The following MAP2K5 variants were observed in gnomAD, a reference collection of about 807,000 sequenced individuals.
The protein encoded by MAP2K5 is mitogen-activated protein kinase kinase 5.
MAP2K5 carries 49 observed loss-of-function variants against 83.1 expected under a neutral mutation model. That is an observed-to-expected ratio of 0.59 (90% CI 0.47 to 0.75). MAP2K5 has a LOEUF of 0.75. Ranked by LOEUF, MAP2K5 falls within the 30% of genes least tolerant of loss-of-function variation. MAP2K5 has a pLI of 0.00. For missense variants in MAP2K5, 457 were observed against 557.5 expected, an observed-to-expected ratio of 0.82 and a Z score of 1.82; for synonymous variants, 202 against 191.8, an observed-to-expected ratio of 1.05 and a Z score of -0.44.
chr15:67,720,171 AC>A lies in MAP2K5; in HGVS notation c.1045-7743del, dbSNP rs2088922222. On this transcript the variant is annotated intron_variant, in intron 16 of 21. Coordinates refer to ENST00000178640, the MANE Select transcript of MAP2K5 (RefSeq NM_145160.3). The surrounding 1 kb of genome is among the most constrained non-coding windows in gnomAD (Gnocchi z 5.7). ...ATATTCCATTTAAACACAGTATCTA[AC>A]CAAAAAGTTACTCAGCTAGGGTTTT... Among the ~76,000 whole-genome samples, 1 of 152,156 alleles carries A rather than the reference AC, an allele frequency of 6.6e-6. No homozygotes were observed. Among genetic ancestry groups the A allele is most frequent in the African/African-American group, 2.4e-5 (1 of 41,436 alleles).
intron 5 of MAP2K5, 117 bp from the exon 6 acceptor site, chr15:67,586,729 C>G (rs1473264325): frequency 5.5e-6 from 5 of 907,610 alleles, no homozygotes; most frequent in Non-Finnish European, 9.2e-6. Flanking sequence ...GTGGGTTTGT[C>G]TAGCAACAAG....
intron 2 of MAP2K5, among the ~76,000 whole-genome samples, chr15:67,554,222 C>A (rs894514867): frequency 6.6e-6 from 1 of 152,060 alleles, no homozygotes; most frequent in African/African-American, 2.4e-5. Context: ...ACTACACTGG[C>A]TAACTTTTGT....
Position 67,636,518 on chromosome 15 carries a change from T to A in MAP2K5, c.585+5591T>A, listed in dbSNP as rs1406079598. 6.6e-6 allele frequency among the ~76,000 whole-genome samples: 1 copy of A among 152,176 alleles called. No individual in the cohort carries two copies. Among genetic ancestry groups the A allele is most frequent in the African/African-American group, 2.4e-5 (1 of 41,440 alleles). On this transcript the variant is annotated intron_variant, in intron 9 of 21. Coordinates refer to ENST00000178640, the MANE Select transcript of MAP2K5 (RefSeq NM_145160.3). The surrounding 1 kb of genome is among the most constrained non-coding windows in gnomAD (Gnocchi z 4.7). ...GATCAGTTTTGACTGATTCCTCTTCTCCTCACTTTGGGTTGTATTTTTCAC... is the reference window on the plus strand; with the variant it reads ...GATCAGTTTTGACTGATTCCTCTTCACCTCACTTTGGGTTGTATTTTTCAC...
chr15:67,712,508 C>A (rs1181394789), intron 16 of MAP2K5, among the ~76,000 whole-genome samples: 1 of 152,202 alleles, frequency 6.6e-6, no homozygotes, highest in Non-Finnish European at 1.5e-5. Flanking sequence ...TTCAAATAAA[C>A]TACCAGTTGT....
chr15:67,680,460 A>T (rs932749516), intron 13 of MAP2K5, among the ~76,000 whole-genome samples: 1 of 152,258 alleles, frequency 6.6e-6, no homozygotes, highest in African/African-American at 2.4e-5. Context: ...GATTAGTATA[A>T]TGAACCAATG....
chr15:67,670,962 A>G (rs970699856), intron 13 of MAP2K5, among the ~76,000 whole-genome samples: 1 of 152,204 alleles, frequency 6.6e-6, no homozygotes, highest in African/African-American at 2.4e-5. Context: ...AACCTGTTGG[A>G]CAATTTTAAA....
At chr15:67,700,165 G>A (rs1288491144) in intron 15 of MAP2K5, among the ~76,000 whole-genome samples, 1 of 152,166 alleles carries the variant, frequency 6.6e-6, no homozygotes, top group East Asian at 1.9e-4. Context: ...AGACGGTTCT[G>A]GAGTTAGTTA....
intron 8 of MAP2K5, among the ~76,000 whole-genome samples, chr15:67,618,235 C>T (rs372942208): frequency 5.3e-5 from 8 of 152,162 alleles, no homozygotes; most frequent in African/African-American, 9.7e-5. Flanking sequence ...CAAAGTACTT[C>T]GCTTGGCAGT....
At chr15:67,548,935 G>T (rs1304421326) in intron 1 of MAP2K5, 193 of 852,152 alleles carry the variant, frequency 2.3e-4, no homozygotes, top group Non-Finnish European at 2.7e-4. Flanking sequence ...AAGCACTATA[G>T]AGGCAAGACT....
At chr15:67,718,793 G>C (rs1285977725) in intron 16 of MAP2K5, among the ~76,000 whole-genome samples, 1 of 152,152 alleles carries the variant, frequency 6.6e-6, no homozygotes, top group Non-Finnish European at 1.5e-5. Context: ...TACATAGTAA[G>C]TGTACATGTG....
Position 67,724,487 on chromosome 15 carries a change from C to T in MAP2K5, c.1045-3429C>T, listed in dbSNP as rs1314110372. 2.6e-5 allele frequency among the ~76,000 whole-genome samples: 4 copies of T among 151,986 alleles called. No individual in the cohort carries two copies. The highest frequency in any genetic ancestry group is 2.1e-4 in the South Asian group (1 of 4,824). The stretch of plus-strand genomic sequence containing the variant: ...AGGCTCACTGCAGTCTCTACCTCCC[C>T]GGGCTCAGGTGATCCTCCCACACTA... On this transcript the variant is annotated intron_variant, in intron 16 of 21. Transcript: ENST00000178640. The surrounding 1 kb of genome is among the most constrained non-coding windows in gnomAD (Gnocchi z 4.4).
rs71142384 is a variant in MAP2K5, at chr15:67,592,118, C to CAAAAAAAAAAAAAAAAAAAAAAAA, written c.432-791_432-790insAAAAAAAAAAAAAAAAAAAAAAAA. Among the ~76,000 whole-genome samples the CAAAAAAAAAAAAAAAAAAAAAAAA allele has an allele frequency of 4.2e-5, 5 of 117,994 alleles. 2 individuals are homozygous for CAAAAAAAAAAAAAAAAAAAAAAAA. Among genetic ancestry groups the CAAAAAAAAAAAAAAAAAAAAAAAA allele is most frequent in the African/African-American group, 1.3e-4 (4 of 31,136 alleles). The allele number at this position is 117,994 out of a possible 152,430, so 77.4% of individuals were successfully genotyped here. On this transcript the variant is annotated intron_variant, in intron 6 of 21. Transcript: ENST00000178640. The stretch of plus-strand genomic sequence containing the variant: ...GGGCAACAAGAGTGAAACTATGTCT[C>CAAAAAAAAAAAAAAAAAAAAAAAA]AAAAAAAAAAAAAAAAAGGACTTTC...
intron 2 of MAP2K5, among the ~76,000 whole-genome samples, chr15:67,558,115 G>A (rs918050702): frequency 5.9e-5 from 9 of 152,112 alleles, no homozygotes; most frequent in Non-Finnish European, 1.3e-4. Flanking sequence ...TTGCTAATTT[G>A]TATGAAAATT....
intron 13 of MAP2K5, chr15:67,670,522 C>A (rs2087504611): frequency 2.2e-6 from 1 of 451,232 alleles, no homozygotes; most frequent in Non-Finnish European, 4.4e-6. Context: ...ACCAGATTTA[C>A]AGAGAAAAGC....
rs1370330159 is a variant in MAP2K5 at position 67,555,342 on chromosome 15, G to C, written c.184+5260G>C. 6.6e-6 allele frequency among the ~76,000 whole-genome samples: 1 copy of C among 152,144 alleles called. No individual in the cohort carries two copies. Among genetic ancestry groups the C allele is most frequent in the Admixed American group, 6.6e-5 (1 of 15,260 alleles). ...AGTTTCTCACATGAACCAACAGAGT[G>C]AGAACCCACTACCATAGAGAGGGCA... On this transcript the variant is annotated intron_variant, in intron 2 of 21. Transcript: ENST00000178640. The surrounding 1 kb of genome is among the most constrained non-coding windows in gnomAD (Gnocchi z 5.2).
chr15:67,759,272 G>A (rs966561448), intron 19 of MAP2K5, among the ~76,000 whole-genome samples: 6 of 151,988 alleles, frequency 3.9e-5, no homozygotes, highest in Non-Finnish European at 7.4e-5. Flanking sequence ...TCAAAAGCGG[G>A]GTTAGGCCAG....
chr15:67,705,152 G>A (rs1241128781), intron 16 of MAP2K5, among the ~76,000 whole-genome samples: 3 of 152,220 alleles, frequency 2.0e-5, no homozygotes, highest in East Asian at 3.8e-4. Flanking sequence ...GACATAAAAT[G>A]CAGAGGCATG....
rs1567326073 is a variant in MAP2K5 at position 67,636,074 on chromosome 15, G to GA, written c.585+5148dup. 6.6e-6 allele frequency among the ~76,000 whole-genome samples: 1 copy of GA among 152,168 alleles called. No individual in the cohort carries two copies. Among genetic ancestry groups the GA allele is most frequent in the Admixed American group, 6.5e-5 (1 of 15,278 alleles). ...CCGCCTCCACCTATCAAAGTGCTGG[G>GA]ATTACAGGTGTGAGCCAGGGCACCT... On this transcript the variant is annotated intron_variant, in intron 9 of 21. Coordinates refer to ENST00000178640, the MANE Select transcript of MAP2K5 (RefSeq NM_145160.3). This position sits in a 1 kb window ranked among gnomAD's most constrained non-coding sequence, Gnocchi z 4.7.
chr15:67,545,204 G>GT (rs2084367100), intron 1 of MAP2K5, among the ~76,000 whole-genome samples: 1 of 152,176 alleles, frequency 6.6e-6, no homozygotes, highest in Non-Finnish European at 1.5e-5. Context: ...CCCCACCTCT[G>GT]TGTCGTCACA....
Sources: allele counts gnomAD v4.1 joint callset (sites outside exome capture counted in the v4.1 genomes callset), GRCh38; gene constraint gnomAD v4.1.1; non-coding constraint Gnocchi (gnomAD v3.1); transcripts MANE v1.5; gene names NCBI Gene and HGNC (gene_info 2026-07-23, HGNC 2026-07-21).